FBXO25: variants seen among roughly 807,000 people sequenced by gnomAD.
FBXO25 encodes F-box only protein 25.
Under a neutral mutation model 51.9 loss-of-function variants are expected in FBXO25, and 45 were observed. The ratio of observed to expected loss-of-function variants is 0.87; its 90% CI spans 0.68 to 1.11. The LOEUF (loss-of-function observed/expected upper bound fraction) is 1.11. FBXO25 is among the 50% of genes most tolerant of loss of function. FBXO25 has a pLI of 0.00. For synonymous variants in FBXO25, 199 were observed against 151.0 expected (o/e 1.32, Z -2.33); for missense variants, 507 against 428.5 (o/e 1.18, Z -1.62).
At chr8:407,341 TGCCGC>T in intron 1 of FBXO25, 3 of 955,570 alleles carry the variant, frequency 3.1e-6, no homozygotes, top group Non-Finnish European at 2.5e-6. Context: ...GGGACGGGAT[TGCCGC>T]GTGCGCGTCT....
At chr8:465,539 C>T (rs981669346) in intron 9 of FBXO25, among the ~76,000 whole-genome samples, 2 of 152,212 alleles carry the variant, frequency 1.3e-5, no homozygotes, top group African/African-American at 4.8e-5. Context: ...CAAAGAAATA[C>T]ACAGTCCTTC....
Position 477,450 on chromosome 8 carries a change from T to C in FBXO25, c.*8646T>C, listed in dbSNP as rs192875487. 6.6e-6 allele frequency: 1 copy of C among 152,390 alleles called. No individual in the cohort carries two copies. Among genetic ancestry groups the C allele is most frequent in the East Asian group, 1.9e-4 (1 of 5,188 alleles). 9.4% of individuals were successfully genotyped at this position (152,390 alleles called of 1,614,324 possible). ...ATTTTGGGCTCTGATGTTTGGTGCA[T>C]ATATATTACATCTTGGTGAATTTTC... is the stretch of plus-strand genomic sequence containing the variant. On this transcript the variant is annotated 3_prime_UTR_variant, in exon 10 of 10. Coordinates refer to ENST00000350302, the MANE Select transcript of FBXO25 (RefSeq NM_183420.2).
At chr8:468,076 G>A (rs1800302134) in intron 9 of FBXO25, 4 of 1,123,956 alleles carry the variant, frequency 3.6e-6, no homozygotes, top group African/African-American at 1.6e-5. Flanking sequence ...CAGAGCCTCT[G>A]GTCCCGTTTA....
At chr8:408,260 T>C (rs1796283037) in intron 1 of FBXO25, among the ~76,000 whole-genome samples, 1 of 152,204 alleles carries the variant, frequency 6.6e-6, no homozygotes, top group Non-Finnish European at 1.5e-5. Flanking sequence ...GTATTCCTTG[T>C]TTTAGTGCCT....
At chr8:434,774 C>T (rs1161471913) in intron 4 of FBXO25, among the ~76,000 whole-genome samples, 1 of 152,090 alleles carries the variant, frequency 6.6e-6, no homozygotes, top group Non-Finnish European at 1.5e-5. Flanking sequence ...ACTTCTGAAA[C>T]CTAGTGTGCT....
Position 468,912 on chromosome 8 carries a change from C to G in FBXO25, c.*108C>G, listed in dbSNP as rs941459831. On this transcript the variant is annotated 3_prime_UTR_variant, in exon 10 of 10. Coordinates refer to ENST00000350302, the MANE Select transcript of FBXO25 (RefSeq NM_183420.2). ...GGAGACTCCTCGGAAGCCCCTGCTT[C>G]CAGAAAGCCTGGGAAGAACTGCCCT... 5 of 1,027,338 alleles carry G rather than the reference C, an allele frequency of 4.9e-6. No homozygotes were observed. The South Asian group carries it at 8.7e-5, about 18-fold the overall frequency. The allele number at this position is 1,027,338 out of a possible 1,614,324, so 63.6% of individuals were successfully genotyped here. A position where few individuals can be genotyped will look rare whatever the true frequency, so the allele number is the denominator to read the frequency against.
chr8:413,443 T>C, intron 2 of FBXO25, among the ~76,000 whole-genome samples: 1 of 152,084 alleles, frequency 6.6e-6, no homozygotes, highest in African/African-American at 2.4e-5. Context: ...ATCCTCACAA[T>C]AATTGGGAGA....
chr8:423,260 T>C (rs568150625), intron 2 of FBXO25, among the ~76,000 whole-genome samples: 1 of 152,334 alleles, frequency 6.6e-6, no homozygotes, highest in South Asian at 2.1e-4. Flanking sequence ...ACCATTGTGG[T>C]TCTTACTCAG....
At chr8:429,080 T>C (rs1241115382) in intron 2 of FBXO25, among the ~76,000 whole-genome samples, 1 of 152,216 alleles carries the variant, frequency 6.6e-6, no homozygotes, top group African/African-American at 2.4e-5. Context: ...TTGGATCATA[T>C]GGTAATTCTA....
intron 4 of FBXO25, among the ~76,000 whole-genome samples, chr8:434,831 A>C (rs1321694708): frequency 6.6e-6 from 1 of 152,224 alleles, no homozygotes; most frequent in Non-Finnish European, 1.5e-5. Context: ...TGGAAGAAAA[A>C]CATCTAAGAG....
rs1414827732 is a variant in FBXO25 at position 474,778 on chromosome 8, T to C, written c.*5974T>C. 1 of 456,600 alleles carries C rather than the reference T, an allele frequency of 2.2e-6. No individual in the cohort carries two copies. The highest frequency in any genetic ancestry group is 2.4e-5 in the Admixed American group (1 of 42,546). The allele number at this position is 456,600 out of a possible 1,614,324, so 28.3% of individuals were successfully genotyped here. A position where few individuals can be genotyped will look rare whatever the true frequency, so the allele number is the denominator to read the frequency against. ...AGATATATCATTTTAAAATACTTTG[T>C]CCCATTCCGTGGATTGCCTTTCACT... On this transcript the variant is annotated 3_prime_UTR_variant, in exon 10 of 10. Coordinates refer to ENST00000350302, the MANE Select transcript of FBXO25 (RefSeq NM_183420.2).
At chr8:432,620 T>C (rs1797880554) in intron 3 of FBXO25, among the ~76,000 whole-genome samples, 1 of 152,216 alleles carries the variant, frequency 6.6e-6, no homozygotes, top group African/African-American at 2.4e-5. Flanking sequence ...TATAATCATT[T>C]ATGTCTTCAT....
rs1184248543 is a variant in FBXO25 at position 473,058 on chromosome 8, C to G, written c.*4254C>G. ...AACCAGCACCAGCCATTGGGGCCCTCTATGGCTGACACCAGCATCCACCCT... is the reference window on the plus strand; with the variant it reads ...AACCAGCACCAGCCATTGGGGCCCTGTATGGCTGACACCAGCATCCACCCT... On this transcript the variant is annotated 3_prime_UTR_variant, in exon 10 of 10. Transcript: ENST00000350302. The G allele has an allele frequency of 1.3e-5, 2 of 152,494 alleles. No homozygotes were observed. The highest frequency in any genetic ancestry group is 6.5e-5 in the Admixed American group (1 of 15,292). The allele number at this position is 152,494 out of a possible 1,614,324, so 9.4% of individuals were successfully genotyped here. A position where few individuals can be genotyped will look rare whatever the true frequency, so the allele number is the denominator to read the frequency against.
intron 2 of FBXO25, among the ~76,000 whole-genome samples, chr8:418,333 C>CTTTTTTTTTTTTTT (rs1207244013): frequency 4.0e-4 from 29 of 72,330 alleles, no homozygotes; most frequent in East Asian, 8.6e-4. Context: ...TTTGTTTGTT[C>CTTTTTTTTTTTTTT]TTTTTTTTTT....
rs1156846019 is a variant in FBXO25, at chr8:475,801, A to T, written c.*6997A>T. On this transcript the variant is annotated 3_prime_UTR_variant, in exon 10 of 10. Coordinates refer to ENST00000350302, the MANE Select transcript of FBXO25 (RefSeq NM_183420.2). ...AATTTTTTTTTGTATATGTATGGAC[A>T]CTAGGATTTTCTACATATAAGATCA... is the stretch of plus-strand genomic sequence containing the variant. 2 of 152,148 alleles carry T rather than the reference A, an allele frequency of 1.3e-5. No individual in the cohort carries two copies. The highest frequency in any genetic ancestry group is 4.8e-5 in the African/African-American group (2 of 41,446). 9.4% of individuals were successfully genotyped at this position (152,148 alleles called of 1,614,324 possible). A position where few individuals can be genotyped will look rare whatever the true frequency, so the allele number is the denominator to read the frequency against.
At chr8:422,746 G>T (rs539325265) in intron 2 of FBXO25, among the ~76,000 whole-genome samples, 2 of 152,316 alleles carry the variant, frequency 1.3e-5, no homozygotes, top group Admixed American at 6.5e-5. Flanking sequence ...TGTCAGTCGT[G>T]TCTGGGGCCT....
chr8:429,148 A>G (rs754681326), intron 2 of FBXO25, among the ~76,000 whole-genome samples: 2 of 152,124 alleles, frequency 1.3e-5, no homozygotes, highest in Admixed American at 1.3e-4. Context: ...ACCATCCTCC[A>G]TTCCCACCAA....
intron 2 of FBXO25, among the ~76,000 whole-genome samples, chr8:417,816 C>A (rs1796900287): frequency 6.6e-6 from 1 of 152,172 alleles, no homozygotes; most frequent in Non-Finnish European, 1.5e-5. Flanking sequence ...TCCAGGCTTC[C>A]ACTGACATCA....
At chr8:420,287 G>C (rs1198085128) in intron 2 of FBXO25, 6 of 152,214 alleles carry the variant, frequency 3.9e-5, no homozygotes, top group Non-Finnish European at 8.8e-5. Flanking sequence ...AAGCATCCCA[G>C]TGCTGGCAAG....
Sources: allele counts gnomAD v4.1 joint callset (sites outside exome capture counted in the v4.1 genomes callset), GRCh38; gene constraint gnomAD v4.1.1; transcripts MANE v1.5; gene names NCBI Gene and HGNC (gene_info 2026-07-23, HGNC 2026-07-21).